KDM4D: variants seen among roughly 807,000 people sequenced by gnomAD.
KDM4D encodes the protein lysine demethylase 4D, also known as lysine-specific demethylase 4D.
For missense variants in KDM4D, 427 were observed against 674.8 expected (o/e 0.63, Z 4.07); for synonymous variants, 254 against 249.1 (o/e 1.02, Z -0.19).
At chr11:94,986,452 A>G (rs1364874945) in intron 2 of KDM4D, among the ~76,000 whole-genome samples, 1 of 152,038 alleles carries the variant, frequency 6.6e-6, no homozygotes, top group Non-Finnish European at 1.5e-5. Context: ...AAAATTAGCC[A>G]GGCATGGTGA....
intron 2 of KDM4D, among the ~76,000 whole-genome samples, chr11:94,993,778 TC>T (rs1857955726): frequency 6.6e-6 from 1 of 152,146 alleles, no homozygotes; most frequent in Non-Finnish European, 1.5e-5. Flanking sequence ...GGAAAGACCC[TC>T]AGCATGATAT....
At chr11:94,982,907 C>T (rs1857854258) in intron 2 of KDM4D, among the ~76,000 whole-genome samples, 2 of 151,902 alleles carry the variant, frequency 1.3e-5, no homozygotes, top group South Asian at 4.1e-4. Flanking sequence ...ATGATCAATG[C>T]AGGAGCTATG....
intron 2 of KDM4D, among the ~76,000 whole-genome samples, chr11:94,993,443 T>C (rs1336894004): frequency 1.3e-5 from 2 of 151,098 alleles, no homozygotes. Flanking sequence ...TGAAGACTCA[T>C]AGAGAAGTGA....
At chr11:94,984,653 C>T (rs1394769823) in intron 2 of KDM4D, among the ~76,000 whole-genome samples, 9 of 145,582 alleles carry the variant, frequency 6.2e-5, no homozygotes, top group African/African-American at 1.5e-4. Flanking sequence ...GTCAGGAGTT[C>T]GAGACCACCC....
chr11:94,994,286 A>C (rs1491001101), intron 2 of KDM4D, among the ~76,000 whole-genome samples: 1 of 152,190 alleles, frequency 6.6e-6, no homozygotes, highest in East Asian at 1.9e-4. Flanking sequence ...TTCAGGAGAA[A>C]GATCATCAAT....
intron 1 of KDM4D, 123 bp from the exon 2 acceptor site, chr11:94,975,531 G>C (rs1555096898): frequency 2.0e-5 from 3 of 152,100 alleles, no homozygotes; most frequent in Non-Finnish European, 4.4e-5. Context: ...TAAGGATTAA[G>C]TGAATTAATA....
At chr11:94,996,755 G>C (rs778953123) in intron 2 of KDM4D, among the ~76,000 whole-genome samples, 1 of 152,140 alleles carries the variant, frequency 6.6e-6, no homozygotes, top group Non-Finnish European at 1.5e-5. Context: ...TAGGCATGTG[G>C]AACAGTTGGA....
rs1857989276 is a variant in KDM4D, at chr11:94,997,975, C to T, written c.603C>T (p.Ile201=). The T allele has an allele frequency of 1.9e-6, 3 of 1,614,210 alleles. No homozygotes were observed. In the East Asian group the frequency reaches 6.7e-5, roughly 36 times the overall value. ...CAGAGGACATGGACCTTTACAGCAT[C>T]AACTACCTGCACCTTGGGGAGCCCA... ...WHTEDMDLYS[I]NYLHLGEPKT... The change falls in exon 3 of 3, where the codon ATC becomes ATT. Residue 201 remains isoleucine (I), a synonymous_variant. Transcript: ENST00000335080.
At chr11:94,975,915 C>G (rs1005698235) in intron 2 of KDM4D, among the ~76,000 whole-genome samples, 167 bp downstream of exon 2, 1 of 152,146 alleles carries the variant, frequency 6.6e-6, no homozygotes, top group Non-Finnish European at 1.5e-5. Context: ...TAACTCCCAG[C>G]CCACTAACCT....
rs587640167 is a variant in KDM4D, at chr11:94,996,194, C to T, written c.-349-830C>T. Among the ~76,000 whole-genome samples, 6 of 152,196 alleles carry T rather than the reference C, an allele frequency of 3.9e-5. No homozygotes were observed. In the South Asian group the frequency reaches 1.0e-3, roughly 26 times the overall value. On this transcript the variant is annotated intron_variant, in intron 2 of 2. Coordinates refer to ENST00000335080, the MANE Select transcript of KDM4D (RefSeq NM_018039.3). Reference sequence around the variant, plus strand: ...AAATATGCCTCTTAGTTGTCTTTAACGCTTTTCCTCCTAAACCCTATTTTT... The same window carrying T: ...AAATATGCCTCTTAGTTGTCTTTAATGCTTTTCCTCCTAAACCCTATTTTT...
chr11:94,988,388 A>T (rs1857905934), intron 2 of KDM4D, among the ~76,000 whole-genome samples: 1 of 152,210 alleles, frequency 6.6e-6, no homozygotes, highest in African/African-American at 2.4e-5. Flanking sequence ...CTCCAACTTT[A>T]TGACCCCTGC....
Position 94,998,645 on chromosome 11 carries a change from A to G in KDM4D, c.1273A>G (p.Ser425Gly), listed in dbSNP as rs1555099606. ...GCAGCCCCGGGCTGCTGCTGTCCAC[A>G]GCTCTAAGAAGCCCAGCTCAACTCC... ...ATQPRAAAVH[S>G]SKKPSSTPSS... Residue 425 changes from serine (S) to glycine (G), a missense_variant, in exon 3 of 3, where the codon AGC becomes GGC. Coordinates refer to ENST00000335080, the MANE Select transcript of KDM4D (RefSeq NM_018039.3). The surrounding 1 kb of genome is among the most constrained non-coding windows in gnomAD (Gnocchi z 6.7). 2 of 1,614,066 alleles carry G rather than the reference A, an allele frequency of 1.2e-6. No individual in the cohort carries two copies. Among genetic ancestry groups the G allele is most frequent in the African/African-American group, 1.3e-5 (1 of 74,922 alleles).
At chr11:94,996,230 A>G (rs587751125) in intron 2 of KDM4D, among the ~76,000 whole-genome samples, 10 of 152,300 alleles carry the variant, frequency 6.6e-5, no homozygotes, top group African/African-American at 2.2e-4. Context: ...AAATGAACAT[A>G]CAGAAATTTG....
Position 94,997,904 on chromosome 11 carries a change from C to T in KDM4D, c.532C>T (p.Pro178Ser), listed in dbSNP as rs781973417. The T allele has an allele frequency of 1.2e-6, 2 of 1,614,224 alleles. No individual in the cohort carries two copies. The highest frequency in any genetic ancestry group is 4.5e-5 in the East Asian group (2 of 44,888). Residue 178 changes from proline to serine, a missense_variant, in exon 3 of 3, where the codon CCC becomes TCC. Physicochemically the swap from Pro to Ser is moderately conservative, Grantham distance 74. Transcript: ENST00000335080. ...CGVVIEGVNT[P>S]YLYFGMWKTT... ...GGTTGTCATAGAAGGCGTCAATACA[C>T]CCTACTTGTACTTTGGCATGTGGAA... is the stretch of plus-strand genomic sequence containing the variant.
intron 2 of KDM4D, among the ~76,000 whole-genome samples, chr11:94,975,961 C>T (rs587706229): frequency 2.1e-3 from 314 of 152,198 alleles, no homozygotes; most frequent in Middle Eastern, 3.4e-3. Flanking sequence ...AATAGCCACC[C>T]TATAATTTCA....
chr11:94,980,084 C>G (rs1857831706), intron 2 of KDM4D, among the ~76,000 whole-genome samples: 3 of 152,174 alleles, frequency 2.0e-5, no homozygotes, highest in African/African-American at 4.8e-5. Context: ...GCATAGTTCT[C>G]TGTCACTTAT....
intron 2 of KDM4D, 91 bp from the exon 3 acceptor site, chr11:94,996,927 TTTGTAA>T (rs1413244216): frequency 1.3e-5 from 2 of 152,800 alleles, no homozygotes; most frequent in East Asian, 3.8e-4. Flanking sequence ...TTAGCCTCTC[TTTGTAA>T]TATTATTATT....
rs782085338 is a variant in KDM4D, at chr11:94,991,802, T to TA, written c.-349-5209dup. On this transcript the variant is annotated intron_variant, in intron 2 of 2. Coordinates refer to ENST00000335080, the MANE Select transcript of KDM4D (RefSeq NM_018039.3). ...GAGTAGAGGAAATCAAAGAAAGAAC[T>TA]AAAAAAAAAAAAATCCTAAAATTAA... Among the ~76,000 whole-genome samples the TA allele has an allele frequency of 2.1e-3, 284 of 137,570 alleles. 1 individual carries two copies. Among genetic ancestry groups the TA allele is most frequent in the African/African-American group, 5.6e-3 (213 of 37,770 alleles). 90.3% of individuals were successfully genotyped at this position (137,570 alleles called of 152,430 possible).
At chr11:94,985,073 G>A (rs1380807665) in intron 2 of KDM4D, among the ~76,000 whole-genome samples, 1 of 152,132 alleles carries the variant, frequency 6.6e-6, no homozygotes, top group Non-Finnish European at 1.5e-5. Context: ...GATTTTTAAT[G>A]GATATCTGTT....
Sources: allele counts gnomAD v4.1 joint callset (sites outside exome capture counted in the v4.1 genomes callset), GRCh38; gene constraint gnomAD v4.1.1; non-coding constraint Gnocchi (gnomAD v3.1); transcripts MANE v1.5; gene names NCBI Gene and HGNC (gene_info 2026-07-23, HGNC 2026-07-21).